PHF21B: variants seen among roughly 807,000 people sequenced by gnomAD.
The protein encoded by PHF21B is PHD finger protein 4.
In PHF21B, 22 loss-of-function variants were observed where a neutral mutation model predicts 62.2. The ratio of observed to expected loss-of-function variants is 0.35; its 90% CI spans 0.25 to 0.51. PHF21B has a LOEUF of 0.51. Among genes scored for constraint, PHF21B ranks in the 20% least tolerant of loss-of-function variants. PHF21B has a pLI of 0.97. For synonymous variants in PHF21B, 341 were observed against 314.7 expected, an observed-to-expected ratio of 1.08 and a Z score of -0.88; for missense variants, 701 against 707.9, an observed-to-expected ratio of 0.99 and a Z score of 0.11.
intron 2 of PHF21B, among the ~76,000 whole-genome samples, chr22:44,941,339 T>G (rs1461506656): frequency 6.6e-6 from 1 of 152,234 alleles, no homozygotes; most frequent in Non-Finnish European, 1.5e-5. Context: ...TCGGGGGCTG[T>G]GCCCTTCCAG....
intron 9 of PHF21B, among the ~76,000 whole-genome samples, chr22:44,889,004 C>G (rs1046407610): frequency 3.9e-5 from 6 of 152,210 alleles, no homozygotes; most frequent in African/African-American, 1.4e-4. Flanking sequence ...AAGATGTTTG[C>G]AGATAAACAC....
chr22:44,922,025 C>T (rs1392295770), intron 2 of PHF21B, among the ~76,000 whole-genome samples: 1 of 152,168 alleles, frequency 6.6e-6, no homozygotes. Context: ...AGAGAGGGAA[C>T]CCCTTGCTCA....
chr22:44,911,169 A>T (rs773058786), intron 5 of PHF21B, among the ~76,000 whole-genome samples: 2 of 152,242 alleles, frequency 1.3e-5, no homozygotes, highest in Non-Finnish European at 2.9e-5. Context: ...TTGAGAGGTG[A>T]CTTGGGTGCT....
At chr22:44,919,837 G>A (rs1309010323) in intron 3 of PHF21B, among the ~76,000 whole-genome samples, 1 of 152,208 alleles carries the variant, frequency 6.6e-6, no homozygotes, top group African/African-American at 2.4e-5. Context: ...AAGGAAGCCG[G>A]CACCTGCACC....
At chr22:44,943,985 G>A (rs565122838) in intron 2 of PHF21B, among the ~76,000 whole-genome samples, 1 of 152,312 alleles carries the variant, frequency 6.6e-6, no homozygotes, top group East Asian at 1.9e-4. Flanking sequence ...CAGTACACTT[G>A]GACCCTGAGG....
At chr22:44,990,661 C>CAGG (rs759554735) in intron 2 of PHF21B, among the ~76,000 whole-genome samples, 2 of 152,304 alleles carry the variant, frequency 1.3e-5, no homozygotes, top group East Asian at 3.9e-4. Flanking sequence ...TGCCGGCTAC[C>CAGG]AGGAGCCTGG....
chr22:44,946,107 G>T (rs921219837), intron 2 of PHF21B, among the ~76,000 whole-genome samples: 7 of 147,720 alleles, frequency 4.7e-5, no homozygotes, highest in African/African-American at 1.9e-4. Flanking sequence ...CTGCGGGAGG[G>T]AAGCATGGGG....
At chr22:44,984,167 T>A (rs200714683) in intron 2 of PHF21B, among the ~76,000 whole-genome samples, 1 of 124,278 alleles carries the variant, frequency 8.0e-6, no homozygotes, top group Non-Finnish European at 1.7e-5. Flanking sequence ...ATCACCACCA[T>A]CATCACCATC....
At chr22:44,941,398 G>C (rs1045945166) in intron 2 of PHF21B, among the ~76,000 whole-genome samples, 3 of 152,170 alleles carry the variant, frequency 2.0e-5, no homozygotes, top group Admixed American at 2.0e-4. Flanking sequence ...TCTGTGACTC[G>C]GCCTCTCAAT....
At chr22:44,971,708 C>G (rs1237121130) in intron 2 of PHF21B, among the ~76,000 whole-genome samples, 1 of 152,226 alleles carries the variant, frequency 6.6e-6, no homozygotes, top group Non-Finnish European at 1.5e-5. Flanking sequence ...GTGCCTCCAC[C>G]TCCAGGGAGC....
chr22:44,985,519 A>T (rs1281567818), intron 2 of PHF21B, among the ~76,000 whole-genome samples: 1 of 152,010 alleles, frequency 6.6e-6, no homozygotes, highest in African/African-American at 2.4e-5. Context: ...GATCGCTGGA[A>T]CCCAGGAGTT....
At position 44,921,720 on chromosome 22, in the gene PHF21B, G is replaced by A. The variant is rs182699840; in HGVS notation, c.121-1230C>T. On this transcript the variant is annotated intron_variant, in intron 2 of 12. Transcript: ENST00000313237. ...GTTGCCCAGGTTGGAATGTAGTGGCGTGATCTTGGCTCACTGCAACCTCCG... is the reference window on the plus strand; with the variant it reads ...GTTGCCCAGGTTGGAATGTAGTGGCATGATCTTGGCTCACTGCAACCTCCG... 5.7e-3 allele frequency among the ~76,000 whole-genome samples: 860 copies of A among 151,340 alleles called. 5 individuals are homozygous for A. The highest frequency in any genetic ancestry group is 8.6e-3 in the Non-Finnish European group (586 of 67,908).
intron 3 of PHF21B, among the ~76,000 whole-genome samples, chr22:44,918,044 C>T (rs1266490217): frequency 2.0e-5 from 3 of 152,266 alleles, no homozygotes; most frequent in Non-Finnish European, 4.4e-5. Flanking sequence ...CTGTCCTTGG[C>T]ACCAGAGGTC....
Position 44,913,933 on chromosome 22 carries a change from C to G in PHF21B, c.720G>C (p.Thr240=). Residue 240 remains threonine, a synonymous_variant, in exon 5 of 13, where the codon ACG becomes ACC. Coordinates refer to ENST00000313237, the MANE Select transcript of PHF21B (RefSeq NM_138415.5). ...QVIIIQPQVQ[T]QPESTAESRP... The stretch of plus-strand genomic sequence containing the variant: ...GCGACTCTGCCGTGCTCTCGGGCTG[C>G]GTCTGCACTTGAGGCTGAATGATGA... 6 of 1,583,200 alleles carry G rather than the reference C, an allele frequency of 3.8e-6. No homozygotes were observed. The highest frequency in any genetic ancestry group is 5.2e-6 in the Non-Finnish European group (6 of 1,161,638).
intron 5 of PHF21B, among the ~76,000 whole-genome samples, chr22:44,899,397 T>C (rs1327429872): frequency 7.3e-5 from 11 of 151,422 alleles, no homozygotes; most frequent in Admixed American, 7.3e-4. Flanking sequence ...TTCAACCGAT[T>C]CTCTTGCCTC....
At position 44,970,306 on chromosome 22, in the gene PHF21B, T is replaced by A. The variant is rs534775056; in HGVS notation, c.120+38239A>T. Among the ~76,000 whole-genome samples the A allele has an allele frequency of 2.3e-4, 35 of 152,354 alleles. 1 individual carries two copies. In the South Asian group the frequency reaches 7.3e-3, roughly 32 times the overall value. ...AGGGGGGAATCTTTTCTGCACACTATTTTTATAGGCTCGAGATTCCAGGAA... is the reference window on the plus strand; with the variant it reads ...AGGGGGGAATCTTTTCTGCACACTAATTTTATAGGCTCGAGATTCCAGGAA... On this transcript the variant is annotated intron_variant, in intron 2 of 12. Transcript: ENST00000313237.
Position 44,942,624 on chromosome 22 carries a change from T to C in PHF21B, c.121-22134A>G, listed in dbSNP as rs115850430. 1.5e-3 allele frequency among the ~76,000 whole-genome samples: 228 copies of C among 152,294 alleles called. 1 individual carries two copies. The highest frequency in any genetic ancestry group is 5.2e-3 in the African/African-American group (216 of 41,566). On this transcript the variant is annotated intron_variant, in intron 2 of 12. Coordinates refer to ENST00000313237, the MANE Select transcript of PHF21B (RefSeq NM_138415.5). ...CTGCCCCACACAGGGCACCGAGGTC[T>C]GTGGCCCTGAGGACACAGCCAAGGC...
intron 2 of PHF21B, among the ~76,000 whole-genome samples, chr22:44,939,718 G>A (rs747242698): frequency 4.6e-5 from 7 of 152,172 alleles, no homozygotes; most frequent in African/African-American, 9.7e-5. Flanking sequence ...AGGGAGGGGC[G>A]AAGGGATAGG....
At chr22:44,917,645 G>C (rs1203171923) in intron 3 of PHF21B, among the ~76,000 whole-genome samples, 1 of 152,198 alleles carries the variant, frequency 6.6e-6, no homozygotes, top group Non-Finnish European at 1.5e-5. Context: ...GTGCATAATG[G>C]AGCCTCACCG....
Sources: gnomAD v4.1 joint callset for allele counts (sites outside exome capture counted in the v4.1 genomes callset) on GRCh38, gnomAD v4.1.1 for gene constraint, MANE v1.5 for transcripts, NCBI Gene and HGNC (gene_info 2026-07-23, HGNC 2026-07-21) for gene names.